DES: variants seen among roughly 807,000 people sequenced by gnomAD.
DES encodes cardiomyopathy, dilated 1F (autosomal dominant).
In DES, 34 loss-of-function variants were observed where a neutral mutation model predicts 55.1. That is an observed-to-expected ratio of 0.62 (90% CI 0.47 to 0.82). DES has a LOEUF of 0.82. DES is among the 40% of genes least tolerant of loss of function. The probability of loss-of-function intolerance (pLI) is 0.00; values close to 1 mark genes in which losing one functional copy is unlikely to be tolerated. For synonymous variants in DES, 259 were observed against 270.8 expected, an observed-to-expected ratio of 0.96 and a Z score of 0.43; for missense variants, 596 against 645.9, an observed-to-expected ratio of 0.92 and a Z score of 0.84.
In DES at chr2:219,420,941, C is replaced by T. The variant is rs369537705; in HGVS notation, c.1011C>T (p.Ala337=). 2.8e-5 allele frequency: 45 copies of T among 1,613,704 alleles called. No individual in the cohort carries two copies. The South Asian group carries it at 4.1e-4, about 15-fold the overall frequency. ...AGTCCTACACCTGCGAGATTGACGC[C>T]CTGAAGGGCACTGTGAGTCCCTGCC... The part of the protein sequence containing the change: ...QIQSYTCEID[A]LKGTNDSLMR... Residue 337 remains alanine (A), a synonymous_variant, in exon 5 of 9, where the codon GCC becomes GCT. Coordinates refer to ENST00000373960, the MANE Select transcript of DES (RefSeq NM_001927.4). This position sits in a 1 kb window ranked among gnomAD's most constrained non-coding sequence, Gnocchi z 6.0.
At chr2:219,425,336 G>A in intron 7 of DES, 1 of 371,802 alleles carries the variant, frequency 2.7e-6, no homozygotes, top group Non-Finnish European at 5.1e-6. Flanking sequence ...GGGGTGGAGA[G>A]GAACTAGGAG....
Position 219,425,944 on chromosome 2 carries a change from C to T in DES, c.1372-5C>T, listed in dbSNP as rs112674246. The T allele has an allele frequency of 3.7e-6, 6 of 1,613,896 alleles. No individual in the cohort carries two copies. Among genetic ancestry groups the T allele is most frequent in the Admixed American group, 1.7e-5 (1 of 59,994 alleles). ...TGGTTGGACTGGGCTTCTCTTCCTC[C>T]CCAGGTCGTCAGTGAGGCCACACAG... On this transcript the variant is annotated splice_polypyrimidine_tract_variant and splice_region_variant and intron_variant, in intron 8 of 8. Coordinates refer to ENST00000373960, the MANE Select transcript of DES (RefSeq NM_001927.4).
chr2:219,426,565 G>A lies in DES; in HGVS notation c.*575G>A. The A allele has an allele frequency of 5.6e-6, 1 of 177,752 alleles. No homozygotes were observed. The highest frequency in any genetic ancestry group is 1.3e-4 in the South Asian group (1 of 7,528). The allele number at this position is 177,752 out of a possible 1,614,324, so 11.0% of individuals were successfully genotyped here. A position where few individuals can be genotyped will look rare whatever the true frequency, so the allele number is the denominator to read the frequency against. ...GGAATCCCCGAAGGTGCTGGAGGTGGGAGCAGGAGATTGAGAAGGAGAGAA... is the reference window on the plus strand; with the variant it reads ...GGAATCCCCGAAGGTGCTGGAGGTGAGAGCAGGAGATTGAGAAGGAGAGAA... On this transcript the variant is annotated 3_prime_UTR_variant, in exon 9 of 9. Transcript: ENST00000373960. This position sits in a 1 kb window ranked among gnomAD's most constrained non-coding sequence, Gnocchi z 4.5.
At chr2:219,421,958 A>G (rs4674393) in intron 6 of DES, among the ~76,000 whole-genome samples, 140,257 of 152,222 alleles carry the variant, frequency 0.92, 65,696 homozygotes, top group East Asian at 1. Context: ...GAGCCACCGC[A>G]CCCGGCGTGG....
intron 7 of DES, chr2:219,424,994 G>C (rs1238627179): frequency 6.6e-6 from 1 of 152,534 alleles, no homozygotes; most frequent in Admixed American, 6.5e-5. Context: ...CGCCTCCCAG[G>C]TTCAAGCAAT....
At chr2:219,422,497 C>T (rs1305536958) in intron 6 of DES, among the ~76,000 whole-genome samples, 2 of 109,006 alleles carry the variant, frequency 1.8e-5, no homozygotes, top group Non-Finnish European at 3.4e-5. Flanking sequence ...CAGAGTCTTG[C>T]TCTGTCACCC....
At position 219,420,668 on chromosome 2, in the gene DES, C is replaced by T. The variant is rs771116995; in HGVS notation, c.897+12C>T. 20 of 1,613,920 alleles carry T rather than the reference C, an allele frequency of 1.2e-5. No individual in the cohort carries two copies. Among genetic ancestry groups the T allele is most frequent in the Middle Eastern group, 1.6e-4 (1 of 6,084 alleles). ...GGTACAAGTCGAAGGTGGGTGGCCT[C>T]GCCCGGGGACTGGCATCTCCGTCCC... On this transcript the variant is annotated intron_variant, in intron 4 of 8. Transcript: ENST00000373960. The surrounding 1 kb of genome is among the most constrained non-coding windows in gnomAD (Gnocchi z 6.0).
Position 219,420,380 on chromosome 2 carries a change from G to T in DES, c.735+34G>T. ...TGGCCCCTCTTCCTGGGGTCACTGGGCCATGGGGAAAGCAGCCGGAAAGTG... is the reference window on the plus strand; with the variant it reads ...TGGCCCCTCTTCCTGGGGTCACTGGTCCATGGGGAAAGCAGCCGGAAAGTG... On this transcript the variant is annotated intron_variant, in intron 3 of 8. Transcript: ENST00000373960. This position sits in a 1 kb window ranked among gnomAD's most constrained non-coding sequence, Gnocchi z 6.0. The T allele has an allele frequency of 6.2e-7, 1 of 1,612,840 alleles. No homozygotes were observed. The highest frequency in any genetic ancestry group is 1.1e-5 in the South Asian group (1 of 90,976).
In DES at chr2:219,426,285, G is replaced by C; in HGVS notation, c.*295G>C. On this transcript the variant is annotated 3_prime_UTR_variant, in exon 9 of 9. Coordinates refer to ENST00000373960, the MANE Select transcript of DES (RefSeq NM_001927.4). The surrounding 1 kb of genome is among the most constrained non-coding windows in gnomAD (Gnocchi z 4.5). ...GAGCCCAGGCGGGAGCGGTGGCCCT[G>C]TCCCTCCCACCTCTGTGACCTCAGG... The C allele has an allele frequency of 1.8e-6, 1 of 565,372 alleles. No individual in the cohort carries two copies. Among genetic ancestry groups the C allele is most frequent in the Non-Finnish European group, 3.2e-6 (1 of 312,130 alleles). The allele number at this position is 565,372 out of a possible 1,614,324, so 35.0% of individuals were successfully genotyped here.
chr2:219,423,747 T>TTAACTTAACTTAACTTAACAAAAC (rs1954485753), intron 6 of DES, 30 bp from the exon 7 acceptor site: 2 of 1,612,136 alleles, frequency 1.2e-6, no homozygotes, highest in Non-Finnish European at 1.7e-6. Context: ...GGTTCTTAAC[T>TTAACTTAACTTAACTTAACAAAAC]CTTAGGAGGT....
At chr2:219,421,760 G>A (rs1265103543) in intron 6 of DES, among the ~76,000 whole-genome samples, 200 bp downstream of exon 6, 1 of 151,938 alleles carries the variant, frequency 6.6e-6, no homozygotes, top group Non-Finnish European at 1.5e-5. Flanking sequence ...TCCGCCTCCT[G>A]GGTTCAAGCA....
At chr2:219,421,657 G>C in intron 6 of DES, 97 bp downstream of exon 6, 2 of 1,156,486 alleles carry the variant, frequency 1.7e-6, no homozygotes, top group African/African-American at 1.6e-5. Flanking sequence ...ACCTCAACAA[G>C]ACCTGGAAAC....
Position 219,426,291 on chromosome 2 carries a change from C to T in DES, c.*301C>T. 2 of 554,816 alleles carry T rather than the reference C, an allele frequency of 3.6e-6. No homozygotes were observed. Among genetic ancestry groups the T allele is most frequent in the Admixed American group, 5.8e-5 (2 of 34,334 alleles). 34.4% of individuals were successfully genotyped at this position (554,816 alleles called of 1,614,324 possible). ...AGGCGGGAGCGGTGGCCCTGTCCCTCCCACCTCTGTGACCTCAGGCACTAG... is the reference window on the plus strand; with the variant it reads ...AGGCGGGAGCGGTGGCCCTGTCCCTTCCACCTCTGTGACCTCAGGCACTAG... On this transcript the variant is annotated 3_prime_UTR_variant, in exon 9 of 9. Coordinates refer to ENST00000373960, the MANE Select transcript of DES (RefSeq NM_001927.4). The surrounding 1 kb of genome is among the most constrained non-coding windows in gnomAD (Gnocchi z 4.5).
rs369297392 is a variant in DES at position 219,418,864 on chromosome 2, G to A, written c.402G>A (p.Ala134=). 9.5e-6 allele frequency: 15 copies of A among 1,576,546 alleles called. No homozygotes were observed. The highest frequency in any genetic ancestry group is 1.9e-5 in the Admixed American group (1 of 53,840). The change falls in exon 1 of 9, where the codon GCG becomes GCA. Residue 134 remains alanine, a synonymous_variant. Transcript: ENST00000373960. The part of the protein sequence containing the change: ...EKVRFLEQQN[A]ALAAEVNRLK... ...TGCGCTTCCTGGAGCAGCAGAACGC[G>A]GCGCTCGCCGCCGAAGTGAACCGGC...
chr2:219,420,015 C>G lies in DES; in HGVS notation c.579-80C>G, dbSNP rs1954403535. The G allele has an allele frequency of 3.3e-6, 5 of 1,504,938 alleles. No homozygotes were observed. The South Asian group carries it at 5.6e-5, about 17-fold the overall frequency. The allele number at this position is 1,504,938 out of a possible 1,614,324, so 93.2% of individuals were successfully genotyped here. On this transcript the variant is annotated intron_variant, in intron 1 of 8. Transcript: ENST00000373960. The surrounding 1 kb of genome is among the most constrained non-coding windows in gnomAD (Gnocchi z 6.0). ...CTCCCGCTCTGTCCTGGACCCACCCCCTGGTCAGCCCCCGGCCAGTCGTTT... is the reference window on the plus strand; with the variant it reads ...CTCCCGCTCTGTCCTGGACCCACCCGCTGGTCAGCCCCCGGCCAGTCGTTT...
At position 219,418,993 on chromosome 2, in the gene DES, CG is replaced by C; in HGVS notation, c.532del (p.Val178SerfsTer23). The C allele has an allele frequency of 6.5e-7, 1 of 1,549,582 alleles. No homozygotes were observed. The highest frequency in any genetic ancestry group is 8.7e-7 in the Non-Finnish European group (1 of 1,147,882). On this transcript the variant is annotated frameshift_variant, in exon 1 of 9. Transcript: ENST00000373960. LOFTEE classifies it high-confidence loss of function. ...VLTNQRARVD[V>X]ERDNLLDDLQ... ...TCACTAACCAGCGCGCGCGCGTCGA[CG>C]TCGAGCGCGACAACCTGCTCGACGA...
chr2:219,421,652 A>C, intron 6 of DES, 92 bp downstream of exon 6: 1 of 1,242,754 alleles, frequency 8.0e-7, no homozygotes, highest in Non-Finnish European at 1.1e-6. Flanking sequence ...TGATTACCTC[A>C]ACAAGACCTG....
chr2:219,425,587 C>T (rs1375849842), intron 7 of DES, 76 bp from the exon 8 acceptor site: 113 of 1,342,096 alleles, frequency 8.4e-5, no homozygotes, highest in Non-Finnish European at 1.2e-4. Context: ...CAATGTGGCC[C>T]CAGATGGACT....
chr2:219,424,148 G>A (rs1954495009), intron 7 of DES, among the ~76,000 whole-genome samples: 1 of 152,190 alleles, frequency 6.6e-6, no homozygotes, highest in Non-Finnish European at 1.5e-5. Context: ...TGGGGACCTG[G>A]CTTCAGGAGC....
Sources: gnomAD v4.1 joint callset for allele counts (sites outside exome capture counted in the v4.1 genomes callset) on GRCh38, gnomAD v4.1.1 for gene constraint, Gnocchi (gnomAD v3.1) non-coding constraint, MANE v1.5 for transcripts, NCBI Gene and HGNC (gene_info 2026-07-23, HGNC 2026-07-21) for gene names.